RUNX3: variants seen among roughly 807,000 people sequenced by gnomAD.
The protein encoded by RUNX3 is runt-related transcription factor 3.
Under a neutral mutation model 27.7 loss-of-function variants are expected in RUNX3, and 10 were observed. The observed-to-expected ratio is 0.36, with a 90% CI of 0.22 to 0.61. The LOEUF is 0.61. Among genes scored for constraint, RUNX3 ranks in the 20% least tolerant of loss-of-function variants. RUNX3 has a pLI of 0.72. For missense variants in RUNX3, 469 were observed against 629.5 expected, an observed-to-expected ratio of 0.75 and a Z score of 2.73; for synonymous variants, 270 against 269.2, an observed-to-expected ratio of 1.00 and a Z score of -0.03.
rs149133466 is a variant in RUNX3 at position 24,920,159 on chromosome 1, G to A, written c.440-815C>T. On this transcript the variant is annotated intron_variant, in intron 2 of 4. Coordinates refer to ENST00000308873, the MANE Select transcript of RUNX3 (RefSeq NM_004350.3). ...TGTTCTATTTTTAGATAGACATTTG[G>A]CTCCAAAGTCTCCATTCAAAATTCC... 5.9e-5 allele frequency among the ~76,000 whole-genome samples: 9 copies of A among 151,762 alleles called. No individual in the cohort carries two copies. The East Asian group carries it at 1.7e-3, about 29-fold the overall frequency.
At chr1:24,926,803 G>A (rs1032260970) in intron 2 of RUNX3, among the ~76,000 whole-genome samples, 2 of 152,160 alleles carry the variant, frequency 1.3e-5, no homozygotes, top group Non-Finnish European at 2.9e-5. Flanking sequence ...TAGGCAGGCT[G>A]GTCTTAAAGG....
At chr1:24,939,679 CT>C (rs1441928194) in intron 2 of RUNX3, among the ~76,000 whole-genome samples, 2 of 152,264 alleles carry the variant, frequency 1.3e-5, no homozygotes, top group Non-Finnish European at 2.9e-5. Context: ...CATGGACTTT[CT>C]GGGTGGTTTG....
At chr1:24,917,189 C>T (rs1640906440) in intron 3 of RUNX3, among the ~76,000 whole-genome samples, 4 of 152,178 alleles carry the variant, frequency 2.6e-5, no homozygotes, top group Non-Finnish European at 5.9e-5. Flanking sequence ...GAGTGGCTCC[C>T]CTCTTTCTGG....
chr1:24,954,778 T>G, intron 2 of RUNX3, among the ~76,000 whole-genome samples: 1 of 152,262 alleles, frequency 6.6e-6, no homozygotes, highest in East Asian at 1.9e-4. Flanking sequence ...TAGAGACTGA[T>G]AAAAACAGGG....
chr1:24,964,861 C>T (rs1642218636), exon 1 of RUNX3: 2 of 603,966 alleles, frequency 3.3e-6, no homozygotes, highest in Non-Finnish European at 5.3e-6. Context: ...CCCGGTCCCA[C>T]AGGAATGTCT....
At chr1:24,908,597 T>G (rs1571304796) in intron 3 of RUNX3, among the ~76,000 whole-genome samples, 1 of 151,650 alleles carries the variant, frequency 6.6e-6, no homozygotes, top group South Asian at 2.1e-4. Flanking sequence ...GCCCAGGAGG[T>G]GGAGGCTGCA....
Position 24,929,662 on chromosome 1 carries a change from G to C in RUNX3, c.207C>G (p.Thr69=). 1 of 1,601,516 alleles carries C rather than the reference G, an allele frequency of 6.2e-7. No individual in the cohort carries two copies. The highest frequency in any genetic ancestry group is 1.1e-5 in the South Asian group (1 of 90,198). Reference sequence around the variant, plus strand: ...CGGAGCAGAGGAAGTTGGGGCTGTCGGTGCGCACGAGCTCGCCTGCGTGGT... The same window carrying C: ...CGGAGCAGAGGAAGTTGGGGCTGTCCGTGCGCACGAGCTCGCCTGCGTGGT... ...LADHAGELVR[T]DSPNFLCSVL... Residue 69 remains threonine, a synonymous_variant, in exon 1 of 5, where the codon ACC becomes ACG. Coordinates refer to ENST00000308873, the MANE Select transcript of RUNX3 (RefSeq NM_004350.3).
intron 4 of RUNX3, among the ~76,000 whole-genome samples, chr1:24,903,094 T>A (rs1640598627): frequency 6.6e-6 from 1 of 152,110 alleles, no homozygotes; most frequent in South Asian, 2.1e-4. Flanking sequence ...AGGCCGTGGA[T>A]GTGTAAAGGG....
chr1:24,964,798 GAAAA>G (rs1174610985), intron 1 of RUNX3: 14 of 1,158,566 alleles, frequency 1.2e-5, no homozygotes, highest in South Asian at 1.7e-5. Context: ...GTGAGAGAGA[GAAAA>G]AAATCCCCAA....
rs768662576 is a variant in RUNX3, at chr1:24,943,728, G to A, written c.59-13876C>T. 3.9e-5 allele frequency among the ~76,000 whole-genome samples: 6 copies of A among 152,208 alleles called. No individual in the cohort carries two copies. The highest frequency in any genetic ancestry group is 8.8e-5 in the Non-Finnish European group (6 of 68,036). On this transcript the variant is annotated intron_variant, in intron 2 of 6. Transcript: ENST00000338888. The surrounding 1 kb of genome is among the most constrained non-coding windows in gnomAD (Gnocchi z 4.6). ...GGACTCATTCTTCCCCCAGGTCATC[G>A]TGGGACCTCCGCTGGTCCCTGAATG... is the stretch of plus-strand genomic sequence containing the variant.
chr1:24,925,573 A>G (rs1003545786), intron 2 of RUNX3, among the ~76,000 whole-genome samples: 2 of 152,156 alleles, frequency 1.3e-5, no homozygotes, highest in African/African-American at 2.4e-5. Context: ...CATTTGCCCA[A>G]TGTCATCCAG....
chr1:24,947,024 T>C (rs924716566), intron 2 of RUNX3, among the ~76,000 whole-genome samples: 2 of 152,320 alleles, frequency 1.3e-5, no homozygotes, highest in Non-Finnish European at 2.9e-5. Context: ...CTCAGGCCTG[T>C]GTAGACATCA....
At position 24,902,155 on chromosome 1, in the gene RUNX3, G is replaced by T; in HGVS notation, c.1215C>A (p.Gly405=). The T allele has an allele frequency of 1.3e-6, 2 of 1,570,556 alleles. No homozygotes were observed. Among genetic ancestry groups the T allele is most frequent in the South Asian group, 1.2e-5 (1 of 85,976 alleles). Residue 405 remains glycine, a synonymous_variant, in exon 5 of 5, where the codon GGC becomes GGA. Transcript: ENST00000308873. The surrounding 1 kb of genome is among the most constrained non-coding windows in gnomAD (Gnocchi z 9.2). The part of the protein sequence containing the change: ...SNSPTALSTP[G]RMDEAVWRPY ...GCCGCCACACGGCCTCATCCATGCG[G>T]CCTGGCGTGCTCAGGGCCGTGGGTG... is the stretch of plus-strand genomic sequence containing the variant.
At chr1:24,950,523 G>C (rs1384855133) in intron 2 of RUNX3, among the ~76,000 whole-genome samples, 3 of 152,228 alleles carry the variant, frequency 2.0e-5, no homozygotes, top group Admixed American at 6.5e-5. Context: ...TTTCAATATG[G>C]CAACTGCTGA....
rs753900188 is a variant in RUNX3 at position 24,941,250 on chromosome 1, G to A, written c.59-11398C>T. 3.9e-5 allele frequency among the ~76,000 whole-genome samples: 6 copies of A among 152,164 alleles called. 1 individual carries two copies. In the South Asian group the frequency reaches 1.2e-3, roughly 31 times the overall value. The stretch of plus-strand genomic sequence containing the variant: ...AAGCACTCCTCATGGCCGACCAGTA[G>A]CCCTTCAGGTATGTGTCAGTGGGCC... On this transcript the variant is annotated intron_variant, in intron 2 of 6. Transcript: ENST00000338888.
intron 3 of RUNX3, among the ~76,000 whole-genome samples, chr1:24,909,043 C>T (rs1032943948): frequency 6.6e-6 from 1 of 152,154 alleles, no homozygotes; most frequent in Non-Finnish European, 1.5e-5. Context: ...TTTCCACTCC[C>T]TATCTGCCAG....
chr1:24,911,548 C>T (rs926857146), intron 3 of RUNX3, among the ~76,000 whole-genome samples: 2 of 152,238 alleles, frequency 1.3e-5, no homozygotes, highest in Non-Finnish European at 1.5e-5. Context: ...TTTCCAGTCA[C>T]GTGGGTCACC....
chr1:24,924,828 G>C (rs1280484029), intron 2 of RUNX3, among the ~76,000 whole-genome samples: 2 of 152,084 alleles, frequency 1.3e-5, no homozygotes, highest in Non-Finnish European at 2.9e-5. Flanking sequence ...TGTAAGAAAG[G>C]CTCCTCGTGT....
At chr1:24,919,760 C>CG (rs375938150) in intron 2 of RUNX3, among the ~76,000 whole-genome samples, 46 of 152,096 alleles carry the variant, frequency 3.0e-4, no homozygotes, top group African/African-American at 8.7e-4. Context: ...ACACCCCCCC[C>CG]CCACGGTTCC....
Sources: gnomAD v4.1 joint callset for allele counts (sites outside exome capture counted in the v4.1 genomes callset) on GRCh38, gnomAD v4.1.1 for gene constraint, Gnocchi (gnomAD v3.1) non-coding constraint, MANE v1.5 for transcripts, NCBI Gene and HGNC (gene_info 2026-07-23, HGNC 2026-07-21) for gene names.